INSL6: variants seen among roughly 807,000 people sequenced by gnomAD.
The protein encoded by INSL6 is insulin like 6.
INSL6 carries 16 observed loss-of-function variants against 9.4 expected under a neutral mutation model. That is an observed-to-expected ratio of 1.70 (90% CI 1.15 to 2.59). INSL6 has a LOEUF of 2.59. Among genes scored for constraint, INSL6 ranks in the 30% most tolerant of loss-of-function variants. The pLI is 0.00. For synonymous variants in INSL6, 154 were observed against 96.9 expected, an observed-to-expected ratio of 1.59 and a Z score of -3.46; for missense variants, 391 against 257.3, an observed-to-expected ratio of 1.52 and a Z score of -3.56.
chr9:5,162,157 A>T (rs1360243740), downstream of INSL6, among the ~76,000 whole-genome samples: 1 of 152,154 alleles, frequency 6.6e-6, no homozygotes, highest in African/African-American at 2.4e-5. Flanking sequence ...ATCTTGATCC[A>T]GTTCTACCAC....
the INSL6 span, among the ~76,000 whole-genome samples, chr9:5,066,424 C>T: frequency 6.6e-6 from 1 of 151,938 alleles, no homozygotes; most frequent in African/African-American, 2.4e-5. Flanking sequence ...ACAAATTGTT[C>T]TTTGTGATTT....
chr9:5,184,591 T>C (rs1825528225), intron 1 of INSL6, among the ~76,000 whole-genome samples: 1 of 152,256 alleles, frequency 6.6e-6, no homozygotes, highest in Admixed American at 6.5e-5. Context: ...TACAGTATGG[T>C]ATATAGGGCT....
At chr9:5,077,345 T>TA in the INSL6 span, 1 of 386,446 alleles carries the variant, frequency 2.6e-6, no homozygotes, top group Non-Finnish European at 4.3e-6. Flanking sequence ...TTTGCCAATT[T>TA]AATTTCTTTA....
At chr9:5,043,350 G>C in the INSL6 span, among the ~76,000 whole-genome samples, 1 of 151,104 alleles carries the variant, frequency 6.6e-6, no homozygotes, top group Non-Finnish European at 1.5e-5. Context: ...CCGAAAAAAA[G>C]ATGCCCAACA....
At chr9:5,173,396 T>C (rs1357414030) in intron 1 of INSL6, among the ~76,000 whole-genome samples, 1 of 152,214 alleles carries the variant, frequency 6.6e-6, no homozygotes, top group African/African-American at 2.4e-5. Flanking sequence ...ATAGAAAATG[T>C]GGCACATATA....
the INSL6 span, chr9:5,085,610 A>T: frequency 1.4e-6 from 1 of 700,004 alleles, no homozygotes; most frequent in Admixed American, 2.0e-5. Flanking sequence ...GAAAGAATTA[A>T]ATCTCCAGCA....
intron 2 of INSL6, among the ~76,000 whole-genome samples, chr9:5,137,638 G>A (rs1281273538): frequency 6.6e-6 from 1 of 152,060 alleles, no homozygotes; most frequent in Non-Finnish European, 1.5e-5. Flanking sequence ...TAAAAAACCT[G>A]GAAGAAAACC....
the INSL6 span, among the ~76,000 whole-genome samples, chr9:5,016,379 G>A: frequency 6.6e-6 from 1 of 152,088 alleles, no homozygotes; most frequent in African/African-American, 2.4e-5. Flanking sequence ...AGATGAGGAG[G>A]GACACCACAG....
intron 2 of INSL6, among the ~76,000 whole-genome samples, chr9:5,142,309 G>C (rs905347911): frequency 5.9e-5 from 9 of 152,102 alleles, no homozygotes; most frequent in African/African-American, 1.9e-4. Flanking sequence ...TGGGCAGTAG[G>C]GCCATTTTAA....
the INSL6 span, chr9:5,085,558 A>T: frequency 1.4e-6 from 1 of 694,524 alleles, no homozygotes; most frequent in South Asian, 1.6e-5. Flanking sequence ...AATAGATATA[A>T]CAGCTGTATT....
intron 1 of INSL6, among the ~76,000 whole-genome samples, chr9:5,170,759 G>A (rs1279426105): frequency 1.3e-5 from 2 of 151,928 alleles, no homozygotes; most frequent in East Asian, 1.9e-4. Context: ...ATAAATTCCT[G>A]AACACATACA....
chr9:5,054,911 CT>C, the INSL6 span: 1 of 1,467,968 alleles, frequency 6.8e-7, no homozygotes, highest in African/African-American at 1.4e-5. The surrounding 1 kb of genome is among the most constrained non-coding windows in gnomAD (Gnocchi z 4.9). Context: ...TGTTCTTGTT[CT>C]TTGTTATTTT....
At chr9:5,101,569 T>C in the INSL6 span, among the ~76,000 whole-genome samples, 1 of 152,256 alleles carries the variant, frequency 6.6e-6, no homozygotes, top group African/African-American at 2.4e-5. Context: ...ATGGACAGAC[T>C]GCCTCAGGTG....
the INSL6 span, among the ~76,000 whole-genome samples, chr9:5,086,781 T>C: frequency 6.6e-6 from 1 of 152,246 alleles, no homozygotes; most frequent in African/African-American, 2.4e-5. Context: ...ATATCTTTGG[T>C]ATTGCTAGTG....
At chr9:5,103,107 A>G in the INSL6 span, among the ~76,000 whole-genome samples, 3 of 151,758 alleles carry the variant, frequency 2.0e-5, no homozygotes, top group South Asian at 6.2e-4. Flanking sequence ...GGCAAATTGG[A>G]TAAAGATTGA....
Position 5,148,129 on chromosome 9 carries a change from G to A in INSL6, c.377-14537C>T, listed in dbSNP as rs564844131. On this transcript the variant is annotated intron_variant, in intron 2 of 3. Coordinates refer to the INSL6 transcript ENST00000649639. ...GGGATACTATTTTTTAATTGTCAGA[G>A]TTTTTATGCTGATTCTTTCTCATCT... Among the ~76,000 whole-genome samples the A allele has an allele frequency of 6.6e-5, 10 of 152,268 alleles. No homozygotes were observed. In the South Asian group the frequency reaches 2.1e-3, roughly 32 times the overall value.
At chr9:5,111,995 AG>A in the INSL6 span, 1 of 372,482 alleles carries the variant, frequency 2.7e-6, no homozygotes. Context: ...AGGGCCTGGG[AG>A]GGACGTCGCA....
chr9:5,168,670 C>A (rs896925684), intron 1 of INSL6, among the ~76,000 whole-genome samples: 8 of 151,890 alleles, frequency 5.3e-5, no homozygotes, highest in African/African-American at 1.9e-4. Context: ...AGTATATCAT[C>A]CAGGAGAATT....
the INSL6 span, chr9:5,044,585 A>C: frequency 9.8e-7 from 1 of 1,023,806 alleles, no homozygotes; most frequent in South Asian, 1.6e-5. Context: ...TTAATAAGTC[A>C]CTTAATCAGG....
Sources: allele counts gnomAD v4.1 joint callset (sites outside exome capture counted in the v4.1 genomes callset), GRCh38; gene constraint gnomAD v4.1.1; non-coding constraint Gnocchi (gnomAD v3.1); transcripts MANE v1.5; gene names NCBI Gene and HGNC (gene_info 2026-07-23, HGNC 2026-07-21).